Variants in CX3CR1 observed in about 807,000 individuals in gnomAD.
CX3CR1 encodes the protein C-X3-C motif chemokine receptor 1.
For missense variants in CX3CR1, 363 were observed against 432.4 expected, an observed-to-expected ratio of 0.84 and a Z score of 1.42; for synonymous variants, 168 against 178.5, an observed-to-expected ratio of 0.94 and a Z score of 0.47.
the CX3CR1 span, among the ~76,000 whole-genome samples, chr3:39,291,348 C>A: frequency 2.0e-5 from 3 of 152,300 alleles, no homozygotes; most frequent in East Asian, 5.8e-4. Flanking sequence ...TAAGCCACTG[C>A]GCCCAGCCCA....
intron 1 of CX3CR1, among the ~76,000 whole-genome samples, chr3:39,274,580 C>T (rs1346236451): frequency 6.6e-6 from 1 of 151,416 alleles, no homozygotes; most frequent in East Asian, 1.9e-4. Context: ...TTTGAAGCCC[C>T]ACCCTTCCCT....
chr3:39,284,725 AT>A (rs1469656763), upstream of CX3CR1, among the ~76,000 whole-genome samples: 1 of 152,136 alleles, frequency 6.6e-6, no homozygotes, highest in Non-Finnish European at 1.5e-5. Context: ...CCATTTTCAG[AT>A]GATGAAATGG....
At chr3:39,283,832 T>TATATATATAC (rs1559372002), upstream of CX3CR1, among the ~76,000 whole-genome samples, 1 of 109,408 alleles carries the variant, frequency 9.1e-6, no homozygotes, top group East Asian at 2.7e-4. Context: ...TATATATATA[T>TATATATATAC]ATATATATAA....
chr3:39,292,521 A>C, the CX3CR1 span, among the ~76,000 whole-genome samples: 5 of 152,318 alleles, frequency 3.3e-5, no homozygotes, highest in Non-Finnish European at 7.4e-5. Context: ...GATTGTCTCC[A>C]CTTGAAAACC....
upstream of CX3CR1, among the ~76,000 whole-genome samples, chr3:39,283,794 A>AAAAAT (rs1491387968): frequency 1.2e-3 from 71 of 58,358 alleles, 1 homozygote; most frequent in African/African-American, 4.1e-3. Flanking sequence ...AAAAAAAAAA[A>AAAAAT]TTATATATAT....
intron 1 of CX3CR1, among the ~76,000 whole-genome samples, chr3:39,272,187 A>G (rs980245543): frequency 6.6e-6 from 1 of 152,222 alleles, no homozygotes; most frequent in Admixed American, 6.5e-5. Flanking sequence ...GCACTTTACA[A>G]CTTAGTGCAG....
upstream of CX3CR1, among the ~76,000 whole-genome samples, chr3:39,282,238 C>A (rs758791123): frequency 1.3e-5 from 2 of 152,182 alleles, no homozygotes; most frequent in African/African-American, 4.8e-5. Context: ...CCTCCCTCCA[C>A]GCCTCCTTGG....
rs2040661578 is a variant in CX3CR1 at position 39,264,181 on chromosome 3, T to C, written c.*1261A>G. The C allele has an allele frequency of 6.6e-6, 1 of 152,276 alleles. No individual in the cohort carries two copies. The highest frequency in any genetic ancestry group is 1.5e-5 in the Non-Finnish European group (1 of 68,104). 9.4% of individuals were successfully genotyped at this position (152,276 alleles called of 1,614,324 possible). The stretch of plus-strand genomic sequence containing the variant: ...CCATCGTAAGAACCAGCCTCTTCTG[T>C]GTCTGGGCTATGCCACGCAGCAGCA... On this transcript the variant is annotated 3_prime_UTR_variant, in exon 2 of 2. Coordinates refer to ENST00000399220, the MANE Select transcript of CX3CR1 (RefSeq NM_001337.4).
chr3:39,271,919 C>T (rs1467540179), intron 1 of CX3CR1, among the ~76,000 whole-genome samples: 2 of 152,184 alleles, frequency 1.3e-5, no homozygotes, highest in Non-Finnish European at 1.5e-5. Context: ...GATAGGGCCT[C>T]CTGGCAGCAG....
At chr3:39,285,877 A>T (rs1430640932), upstream of CX3CR1, 1 of 152,224 alleles carries the variant, frequency 6.6e-6, no homozygotes, top group East Asian at 1.9e-4. Context: ...TTGTTTGCTG[A>T]TATTATGGAG....
chr3:39,269,699 G>A (rs538425577), intron 1 of CX3CR1, among the ~76,000 whole-genome samples: 3 of 152,272 alleles, frequency 2.0e-5, no homozygotes, highest in Non-Finnish European at 4.4e-5. Flanking sequence ...GAGGGCAGAC[G>A]AACACTCTGC....
At chr3:39,289,839 C>T in the CX3CR1 span, among the ~76,000 whole-genome samples, 1 of 152,068 alleles carries the variant, frequency 6.6e-6, no homozygotes, top group South Asian at 2.1e-4. Context: ...AGAAAGGAGG[C>T]GGCATCTGCA....
chr3:39,266,161 T>C lies in CX3CR1; in HGVS notation c.349A>G (p.Ile117Val), dbSNP rs2040696615. The change falls in exon 2 of 2, where the codon ATA (isoleucine) becomes GTA (valine). Residue 117 changes from isoleucine to valine, a missense_variant. Coordinates refer to ENST00000399220, the MANE Select transcript of CX3CR1 (RefSeq NM_001337.4). The part of the protein sequence containing the change: ...AFFFIGFFGS[I>V]FFITVISIDR... ...ATGCTGATGACGGTGATGAAGAATA[T>C]GCTTCCAAAAAAGCCGATGAAGAAG... 1.9e-6 allele frequency: 3 copies of C among 1,614,088 alleles called. No homozygotes were observed. Among genetic ancestry groups the C allele is most frequent in the Non-Finnish European group, 2.5e-6 (3 of 1,180,046 alleles).
chr3:39,269,718 T>C (rs947599645), intron 1 of CX3CR1, among the ~76,000 whole-genome samples: 1 of 152,180 alleles, frequency 6.6e-6, no homozygotes, highest in African/African-American at 2.4e-5. Flanking sequence ...GCAGCCCTCA[T>C]CCTAGCTCCC....
upstream of CX3CR1, among the ~76,000 whole-genome samples, chr3:39,284,656 G>C (rs1007745676): frequency 2.6e-5 from 4 of 152,218 alleles, no homozygotes; most frequent in African/African-American, 4.8e-5. Flanking sequence ...CCCTGTGCGA[G>C]GCACATTGTC....
At chr3:39,272,729 T>C (rs926831880) in intron 1 of CX3CR1, among the ~76,000 whole-genome samples, 1 of 152,194 alleles carries the variant, frequency 6.6e-6, no homozygotes, top group African/African-American at 2.4e-5. Context: ...ATTGTGAGGC[T>C]TAATTTTTTT....
chr3:39,269,154 G>A (rs1028178171), intron 1 of CX3CR1, among the ~76,000 whole-genome samples: 97 of 150,428 alleles, frequency 6.4e-4, no homozygotes, highest in Admixed American at 1.2e-3. Context: ...CTGCAATTCT[G>A]AAAAAAAAAA....
At chr3:39,281,691 C>G, upstream of CX3CR1, 1 of 1,598,150 alleles carries the variant, frequency 6.3e-7, no homozygotes, top group Non-Finnish European at 8.5e-7. Flanking sequence ...CAGGGGTTCT[C>G]TCATCCTGGT....
At chr3:39,272,103 T>G (rs2040784978) in intron 1 of CX3CR1, among the ~76,000 whole-genome samples, 1 of 152,192 alleles carries the variant, frequency 6.6e-6, no homozygotes, top group Admixed American at 6.5e-5. Context: ...CCAGCTGGGT[T>G]TCATATCCAC....
Sources: allele counts gnomAD v4.1 joint callset (sites outside exome capture counted in the v4.1 genomes callset), GRCh38; gene constraint gnomAD v4.1.1; transcripts MANE v1.5; gene names NCBI Gene and HGNC (gene_info 2026-07-23, HGNC 2026-07-21).